CACNA1E: variants seen among roughly 807,000 people sequenced by gnomAD.
CACNA1E encodes the protein voltage-dependent R-type calcium channel subunit alpha-1E.
Under a neutral mutation model 259.2 loss-of-function variants are expected in CACNA1E, and 40 were observed. That is an observed-to-expected ratio of 0.15 (90% CI 0.12 to 0.20). CACNA1E has a LOEUF of 0.20. Among genes scored for constraint, CACNA1E ranks in the 10% least tolerant of loss-of-function variants. CACNA1E has a pLI of 1.00. For missense variants in CACNA1E, 1,874 were observed against 3,040.1 expected, an observed-to-expected ratio of 0.62 and a Z score of 9.02; for synonymous variants, 1,104 against 1,138.5, an observed-to-expected ratio of 0.97 and a Z score of 0.61.
At chr1:181,474,784 C>T (rs910274695) in intron 2 of CACNA1E, among the ~76,000 whole-genome samples, 2 of 151,946 alleles carry the variant, frequency 1.3e-5, no homozygotes, top group African/African-American at 4.8e-5. Context: ...ATAACTGATT[C>T]CCCAGATCTT....
chr1:181,752,188 G>A lies in CACNA1E; in HGVS notation c.3777G>A (p.Val1259=). Residue 1259 remains valine (V), a synonymous_variant, in exon 27 of 48, where the codon GTG becomes GTA. Coordinates refer to ENST00000367573, the MANE Select transcript of CACNA1E (RefSeq NM_001205293.3). ...TCAAGACCATCAAGTCTCTGCGGGT[G>A]CTCCGAGTTCTAAGGCCACTGAAAA... ...RDIKTIKSLR[V]LRVLRPLKTI... is the part of the protein sequence containing the mutation. 1 of 1,613,978 alleles carries A rather than the reference G, an allele frequency of 6.2e-7. No individual in the cohort carries two copies. Among genetic ancestry groups the A allele is most frequent in the South Asian group, 1.1e-5 (1 of 91,080 alleles).
chr1:181,578,407 G>GT (rs1162476553), intron 4 of CACNA1E, among the ~76,000 whole-genome samples: 3 of 151,914 alleles, frequency 2.0e-5, no homozygotes, highest in Non-Finnish European at 4.4e-5. Context: ...ATAGAAAAAA[G>GT]TAAAAAAAAT....
At chr1:181,630,380 A>C (rs1656601112) in intron 6 of CACNA1E, among the ~76,000 whole-genome samples, 1 of 149,920 alleles carries the variant, frequency 6.7e-6, no homozygotes, top group Non-Finnish European at 1.5e-5. Context: ...AGTGTAATTA[A>C]CATGCCCCCC....
chr1:181,489,969 A>C (rs1372429246), intron 1 of CACNA1E, among the ~76,000 whole-genome samples: 1 of 152,228 alleles, frequency 6.6e-6, no homozygotes, highest in African/African-American at 2.4e-5. Flanking sequence ...GGGTTCACCC[A>C]TCAGTCATGT....
chr1:181,795,682 C>T (rs768672167), intron 46 of CACNA1E, among the ~76,000 whole-genome samples: 14 of 151,086 alleles, frequency 9.3e-5, no homozygotes, highest in Middle Eastern at 3.4e-3. Flanking sequence ...CCTCATGATC[C>T]GCCCGCGTAG....
chr1:181,454,129 G>A lies in CACNA1E; in HGVS notation c.435-29615G>A, dbSNP rs552342726. Among the ~76,000 whole-genome samples the A allele has an allele frequency of 7.2e-4, 109 of 152,132 alleles. 1 individual carries two copies. The highest frequency in any genetic ancestry group is 1.9e-3 in the African/African-American group (80 of 41,488). ...CATTAGATAGTACCTCATTACTTTT[G>A]TTATGAATCCAAGGGCTTCATGGTG... On this transcript the variant is annotated intron_variant, in intron 2 of 11. Coordinates refer to the CACNA1E transcript ENST00000524607.
At chr1:181,762,053 T>A (rs987908394) in intron 32 of CACNA1E, among the ~76,000 whole-genome samples, 3 of 152,248 alleles carry the variant, frequency 2.0e-5, no homozygotes, top group African/African-American at 4.8e-5. Flanking sequence ...CAGTCACTTA[T>A]GACTTGTGTG....
chr1:181,540,411 T>C (rs1668493489), intron 3 of CACNA1E, among the ~76,000 whole-genome samples: 1 of 152,136 alleles, frequency 6.6e-6, no homozygotes, highest in African/African-American at 2.4e-5. Context: ...TCAGCAATAT[T>C]TGATAAATAT....
chr1:181,791,492 A>G (rs1661307999), intron 44 of CACNA1E, among the ~76,000 whole-genome samples: 1 of 152,126 alleles, frequency 6.6e-6, no homozygotes, highest in African/African-American at 2.4e-5. Flanking sequence ...CAAAAAAGCA[A>G]TTCCTGAGAG....
intron 2 of CACNA1E, among the ~76,000 whole-genome samples, chr1:181,444,545 A>G (rs1163326326): frequency 2.6e-5 from 4 of 152,306 alleles, no homozygotes; most frequent in East Asian, 3.9e-4. Context: ...TGACTACAGC[A>G]GCAGGGTAGA....
chr1:181,362,556 G>C (rs755095193), intron 1 of CACNA1E, among the ~76,000 whole-genome samples: 6 of 152,214 alleles, frequency 3.9e-5, no homozygotes, highest in Non-Finnish European at 8.8e-5. Context: ...TTACAGGCTT[G>C]TTGCTTGAAA....
rs578163516 is a variant in CACNA1E at position 181,709,375 on chromosome 1, C to T, written c.1056-1579C>T. ...CCAAGCACAGGAGAATTTGTCCTTC[C>T]GGTGTGCCTTTCCCTACACCTTCTG... On this transcript the variant is annotated intron_variant, in intron 7 of 47. Coordinates refer to ENST00000367573, the MANE Select transcript of CACNA1E (RefSeq NM_001205293.3). 4.6e-4 allele frequency among the ~76,000 whole-genome samples: 70 copies of T among 151,244 alleles called. 1 individual carries two copies. Among genetic ancestry groups the T allele is most frequent in the African/African-American group, 1.4e-3 (57 of 41,254 alleles).
At position 181,719,865 on chromosome 1, in the gene CACNA1E, T is replaced by A; in HGVS notation, c.1751+2T>A. The A allele has an allele frequency of 6.7e-7, 1 of 1,503,378 alleles. No individual in the cohort carries two copies. Among genetic ancestry groups the A allele is most frequent in the Non-Finnish European group, 9.1e-7 (1 of 1,097,508 alleles). 93.1% of individuals were successfully genotyped at this position (1,503,378 alleles called of 1,614,324 possible). ...TCTAAGAATATTTAAAATAACCAAGTAAGTGATCAGAATTTGGACTTTTCC... is the reference window on the plus strand; with the variant it reads ...TCTAAGAATATTTAAAATAACCAAGAAAGTGATCAGAATTTGGACTTTTCC... On this transcript the variant is annotated splice_donor_variant, in intron 13 of 47. Transcript: ENST00000367573. LOFTEE classifies it high-confidence loss of function.
At chr1:181,396,720 A>G (rs1233419413) in intron 1 of CACNA1E, among the ~76,000 whole-genome samples, 1 of 152,236 alleles carries the variant, frequency 6.6e-6, no homozygotes, top group Non-Finnish European at 1.5e-5. Flanking sequence ...GTGGAATAAC[A>G]TAGAAACAGA....
rs567116487 is a variant in CACNA1E at position 181,604,419 on chromosome 1, G to C, written c.951+23643G>C. On this transcript the variant is annotated intron_variant, in intron 6 of 47. Coordinates refer to ENST00000367573, the MANE Select transcript of CACNA1E (RefSeq NM_001205293.3). ...CATGAAAAGGGCCAGCTGAGGGATC[G>C]TTTCAGAGAAGCCCAGGTTGGCTAC... 1.5e-4 allele frequency among the ~76,000 whole-genome samples: 23 copies of C among 152,306 alleles called. No homozygotes were observed. The South Asian group carries it at 4.8e-3, about 32-fold the overall frequency.
intron 7 of CACNA1E, among the ~76,000 whole-genome samples, chr1:181,663,250 A>C (rs150380885): frequency 9.2e-5 from 14 of 152,278 alleles, no homozygotes; most frequent in Non-Finnish European, 1.5e-4. Flanking sequence ...ATTTCAATTA[A>C]TTTTTGTAAC....
chr1:181,641,696 ATTTTTTGT>A lies in CACNA1E; in HGVS notation c.952-9635_952-9628del, dbSNP rs1380768240. On this transcript the variant is annotated intron_variant, in intron 6 of 47. Transcript: ENST00000367573. ...CAAATGAGATCATGAGGCAACACTA[ATTTTTTGT>A]TTTTTTTTTTTTTTTTTTTTTTTTT... Among the ~76,000 whole-genome samples the A allele has an allele frequency of 5.3e-3, 555 of 104,032 alleles. 12 individuals carry two copies. Among genetic ancestry groups the A allele is most frequent in the African/African-American group, 0.021 (511 of 24,700 alleles). 68.2% of individuals were successfully genotyped at this position (104,032 alleles called of 152,430 possible).
intron 1 of CACNA1E, among the ~76,000 whole-genome samples, chr1:181,502,264 GACT>G (rs1009737684): frequency 2.0e-5 from 3 of 152,292 alleles, no homozygotes; most frequent in Admixed American, 6.5e-5. Flanking sequence ...TAAAAGTATG[GACT>G]ACCCAAATAG....
intron 5 of CACNA1E, among the ~76,000 whole-genome samples, chr1:181,579,824 C>T (rs1251501930): frequency 6.6e-6 from 1 of 152,188 alleles, no homozygotes; most frequent in African/African-American, 2.4e-5. Context: ...TCTGTGGAGA[C>T]ATTTTCCCTT....
Sources: gnomAD v4.1 joint callset for allele counts (sites outside exome capture counted in the v4.1 genomes callset) on GRCh38, gnomAD v4.1.1 for gene constraint, MANE v1.5 for transcripts, NCBI Gene and HGNC (gene_info 2026-07-23, HGNC 2026-07-21) for gene names.